The following ACVR1 variants were observed in gnomAD, a reference collection of about 807,000 sequenced individuals.
ACVR1 encodes activin A receptor type 1.
Under a neutral mutation model 57.1 loss-of-function variants are expected in ACVR1, and 38 were observed. The observed-to-expected ratio is 0.67, with a 90% confidence interval of 0.51 to 0.87. The LOEUF (loss-of-function observed/expected upper bound fraction) is 0.87, where lower values mean the gene tolerates loss of function less well. Ranked by LOEUF, ACVR1 falls within the 40% of genes least tolerant of loss-of-function variation. The pLI is 0.00. For synonymous variants in ACVR1, 212 were observed against 228.1 expected (o/e 0.93, Z 0.63); for missense variants, 463 against 638.2 (o/e 0.73, Z 2.96).
chr2:157,786,403 T>A (rs1686712419), intron 3 of ACVR1, among the ~76,000 whole-genome samples: 1 of 152,064 alleles, frequency 6.6e-6, no homozygotes, highest in East Asian at 1.9e-4. Context: ...GATTTAGAGG[T>A]GGAAAGAGAC....
In ACVR1 at chr2:157,737,211, A is replaced by G; in HGVS notation, c.*320T>C. ...TAGGAGACTTGTGAAAGCTATGCAA[A>G]GCCACTGACTTAATGCCCAGATCTC... On this transcript the variant is annotated 3_prime_UTR_variant, in exon 11 of 11. Transcript: ENST00000434821. The G allele has an allele frequency of 2.2e-6, 1 of 450,166 alleles. No individual in the cohort carries two copies. Among genetic ancestry groups the G allele is most frequent in the East Asian group, 4.4e-5 (1 of 22,514 alleles). The allele number at this position is 450,166 out of a possible 1,614,324, so 27.9% of individuals were successfully genotyped here.
At chr2:157,750,898 A>T (rs968284167) in intron 9 of ACVR1, among the ~76,000 whole-genome samples, 10 of 142,512 alleles carry the variant, frequency 7.0e-5, no homozygotes, top group African/African-American at 8.4e-5. Flanking sequence ...GGGTATCATT[A>T]AAAAAAAAAA....
intron 1 of ACVR1, chr2:157,826,778 AAGG>A (rs1241252503): frequency 1.7e-4 from 15 of 88,790 alleles, no homozygotes; most frequent in African/African-American, 9.4e-4. Context: ...AAGGAAAGGA[AAGG>A]AAAGGAAAGG....
intron 6 of ACVR1, among the ~76,000 whole-genome samples, chr2:157,772,518 T>A (rs1686108146): frequency 1.3e-5 from 2 of 152,208 alleles, no homozygotes; most frequent in East Asian, 3.8e-4. Context: ...TTCAAAAGAA[T>A]GCTGAGGAAT....
chr2:157,816,478 T>C (rs1687940530), intron 2 of ACVR1, among the ~76,000 whole-genome samples: 1 of 150,396 alleles, frequency 6.6e-6, no homozygotes, highest in Non-Finnish European at 1.5e-5. Flanking sequence ...ACATCTATAG[T>C]CCTAGTTACT....
chr2:157,846,858 A>T (rs556291920), intron 1 of ACVR1, among the ~76,000 whole-genome samples: 1 of 152,338 alleles, frequency 6.6e-6, no homozygotes, highest in African/African-American at 2.4e-5. Flanking sequence ...CGAGGGCAGG[A>T]GAGTAGGTAT....
chr2:157,828,449 C>CA (rs369753645), intron 1 of ACVR1, among the ~76,000 whole-genome samples: 4,444 of 84,226 alleles, frequency 0.053, 313 homozygotes, highest in African/African-American at 0.17. Flanking sequence ...GACTCCGTCT[C>CA]AAAAAAAAAA....
intron 1 of ACVR1, among the ~76,000 whole-genome samples, chr2:157,864,646 T>A (rs892021419): frequency 1.3e-5 from 2 of 152,164 alleles, no homozygotes; most frequent in African/African-American, 2.4e-5. Context: ...TATCTCAAAA[T>A]TTCCAAAAAT....
At chr2:157,873,301 G>A (rs940262917) in intron 1 of ACVR1, among the ~76,000 whole-genome samples, 1 of 152,022 alleles carries the variant, frequency 6.6e-6, no homozygotes, top group Non-Finnish European at 1.5e-5. Context: ...ATTGTAGGAC[G>A]GTAAAATAAT....
chr2:157,754,076 C>T lies in ACVR1; in HGVS notation c.1264+6804G>A, dbSNP rs150157952. Reference sequence around the variant, plus strand: ...TTTGAACTGAATGATAATAGTGACACAACCTAACAAAACCTCTGGAATACA... The same window carrying T: ...TTTGAACTGAATGATAATAGTGACATAACCTAACAAAACCTCTGGAATACA... On this transcript the variant is annotated intron_variant, in intron 9 of 10. Transcript: ENST00000434821. 2.9e-3 allele frequency among the ~76,000 whole-genome samples: 437 copies of T among 152,262 alleles called. 2 individuals are homozygous for T. The highest frequency in any genetic ancestry group is 9.8e-3 in the African/African-American group (406 of 41,548).
At chr2:157,811,004 GC>G (rs1164001126) in intron 2 of ACVR1, among the ~76,000 whole-genome samples, 4 of 152,222 alleles carry the variant, frequency 2.6e-5, no homozygotes, top group Admixed American at 2.6e-4. Context: ...CTGTGACGAG[GC>G]CTAGGAATCC....
chr2:157,824,311 T>C (rs1342456476), intron 1 of ACVR1, among the ~76,000 whole-genome samples: 3 of 151,846 alleles, frequency 2.0e-5, no homozygotes. Flanking sequence ...CTACAAAAAA[T>C]TTAAAAATTA....
intron 1 of ACVR1, among the ~76,000 whole-genome samples, chr2:157,827,768 T>G (rs1286578208): frequency 6.6e-6 from 1 of 152,038 alleles, no homozygotes; most frequent in African/African-American, 2.4e-5. Context: ...GAGCAGGGAG[T>G]CATCCAGGTC....
At chr2:157,810,854 C>T (rs1291981181) in intron 2 of ACVR1, among the ~76,000 whole-genome samples, 1 of 152,222 alleles carries the variant, frequency 6.6e-6, no homozygotes, top group Non-Finnish European at 1.5e-5. Context: ...CTTCAGTCCA[C>T]AGTGTTCTGC....
At chr2:157,742,013 C>T (rs554112591) in intron 9 of ACVR1, among the ~76,000 whole-genome samples, 16 of 152,046 alleles carry the variant, frequency 1.1e-4, no homozygotes, top group African/African-American at 3.6e-4. Context: ...CATCCTCTGA[C>T]GTTGGAGAGG....
intron 1 of ACVR1, among the ~76,000 whole-genome samples, chr2:157,858,549 G>A (rs564084634): frequency 6.6e-6 from 1 of 152,266 alleles, no homozygotes; most frequent in South Asian, 2.1e-4. Flanking sequence ...TTGGCTCACT[G>A]CAACCTCCAT....
At chr2:157,768,099 G>A (rs1685936711) in intron 7 of ACVR1, among the ~76,000 whole-genome samples, 2 of 152,068 alleles carry the variant, frequency 1.3e-5, no homozygotes, top group Non-Finnish European at 2.9e-5. Context: ...TCACCTATGG[G>A]ACATATGCAA....
intron 1 of ACVR1, among the ~76,000 whole-genome samples, chr2:157,822,476 A>T (rs1436138497): frequency 6.6e-6 from 1 of 152,248 alleles, no homozygotes; most frequent in Non-Finnish European, 1.5e-5. Context: ...GACCATGAGA[A>T]ATGGGAATTT....
In ACVR1 at chr2:157,842,004, G is replaced by A. The variant is rs180804886; in HGVS notation, c.-182-23445C>T. 6.9e-4 allele frequency among the ~76,000 whole-genome samples: 97 copies of A among 140,848 alleles called. No homozygotes were observed. In the East Asian group the frequency reaches 0.02, roughly 28 times the overall value. The allele number at this position is 140,848 out of a possible 152,430, so 92.4% of individuals were successfully genotyped here. A position where few individuals can be genotyped will look rare whatever the true frequency, so the allele number is the denominator to read the frequency against. On this transcript the variant is annotated intron_variant, in intron 1 of 10. Transcript: ENST00000434821. ...ATCGTGCCACTGCACTCCAGCCTGG[G>A]CGACACAGAGAGACTCCATCTCAAA...
Sources: allele counts gnomAD v4.1 joint callset (sites outside exome capture counted in the v4.1 genomes callset), GRCh38; gene constraint gnomAD v4.1.1; transcripts MANE v1.5; gene names NCBI Gene and HGNC (gene_info 2026-07-23, HGNC 2026-07-21).